ROCK1: variants seen among roughly 807,000 people sequenced by gnomAD.
ROCK1 encodes the protein rho-associated protein kinase 1.
ROCK1 carries 36 observed loss-of-function variants against 196.8 expected under a neutral mutation model. That is an observed-to-expected ratio of 0.18 (90% CI 0.14 to 0.24). ROCK1 has a LOEUF of 0.24. Ranked by LOEUF, ROCK1 falls within the 10% of genes least tolerant of loss-of-function variation. ROCK1 has a pLI of 1.00. For synonymous variants in ROCK1, 443 were observed against 515.9 expected (o/e 0.86, Z 1.91); for missense variants, 920 against 1,562.0 (o/e 0.59, Z 6.93).
intron 1 of ROCK1, among the ~76,000 whole-genome samples, chr18:21,093,849 G>A (rs113209111): frequency 0.052 from 7,934 of 151,892 alleles, 697 homozygotes; most frequent in African/African-American, 0.18. Flanking sequence ...CCAGCTACTC[G>A]GGAGGCTGAG....
chr18:21,006,383 C>A lies in ROCK1; in HGVS notation c.1853G>T (p.Gly618Val). 1.2e-6 allele frequency: 2 copies of A among 1,613,052 alleles called. No individual in the cohort carries two copies. The highest frequency in any genetic ancestry group is 1.7e-6 in the Non-Finnish European group (2 of 1,179,908). The stretch of plus-strand genomic sequence containing the variant: ...GTCTCCAATCATCTCAGAATCATGA[C>A]CTCTGTCTCTTCGTTCAGCTTCTAA... The part of the protein sequence containing the change: ...AILEAERRDR[G>V]HDSEMIGDLQ... Residue 618 changes from glycine to valine, a missense_variant, in exon 16 of 33, where the codon GGT (glycine) becomes GTT (valine). Physicochemically the swap from Gly to Val is moderately radical, Grantham distance 109. Transcript: ENST00000399799.
chr18:21,065,790 C>A (rs2036329460), intron 2 of ROCK1, among the ~76,000 whole-genome samples: 1 of 152,144 alleles, frequency 6.6e-6, no homozygotes, highest in South Asian at 2.1e-4. Context: ...GTATCATACA[C>A]CAGAGCCCAG....
At chr18:21,046,796 T>G (rs185844782) in intron 4 of ROCK1, among the ~76,000 whole-genome samples, 2 of 152,370 alleles carry the variant, frequency 1.3e-5, no homozygotes, top group East Asian at 3.9e-4. Flanking sequence ...TCTTAATGTT[T>G]CATTTTTTTC....
At chr18:20,981,706 A>T (rs1174486580) in intron 21 of ROCK1, among the ~76,000 whole-genome samples, 1 of 152,200 alleles carries the variant, frequency 6.6e-6, no homozygotes, top group Non-Finnish European at 1.5e-5. Flanking sequence ...TACACTAAGA[A>T]ACAGCACTTT....
intron 19 of ROCK1, among the ~76,000 whole-genome samples, chr18:20,986,422 T>C (rs1433127971): frequency 1.3e-5 from 2 of 152,210 alleles, no homozygotes; most frequent in Non-Finnish European, 2.9e-5. Context: ...CTAGGTAACA[T>C]GTTACATCTT....
At chr18:21,015,743 G>T (rs374332162) in intron 12 of ROCK1, among the ~76,000 whole-genome samples, 97 of 151,838 alleles carry the variant, frequency 6.4e-4, no homozygotes, top group African/African-American at 1.9e-3. Context: ...AGGCTGAGGC[G>T]GGTGGATCAT....
chr18:21,042,743 G>T lies in ROCK1; in HGVS notation c.676-34C>A, dbSNP rs759272629. The T allele has an allele frequency of 3.8e-6, 6 of 1,566,642 alleles. No homozygotes were observed. In the South Asian group the frequency reaches 7.2e-5, roughly 19 times the overall value. ...CGCGGCAGGTCAAATTTTGAATTAG[G>T]ATATAAAGTCTCAATTATTTAAAAT... On this transcript the variant is annotated intron_variant, in intron 6 of 32. Transcript: ENST00000399799.
At chr18:20,991,624 CTTTT>C (rs1030511975) in intron 17 of ROCK1, among the ~76,000 whole-genome samples, 1 of 150,988 alleles carries the variant, frequency 6.6e-6, no homozygotes, top group South Asian at 2.1e-4. Flanking sequence ...CTGATACCAT[CTTTT>C]TTTTTCTTTT....
chr18:20,956,175 G>C (rs527629626), intron 29 of ROCK1, among the ~76,000 whole-genome samples: 3 of 152,096 alleles, frequency 2.0e-5, no homozygotes, highest in South Asian at 4.2e-4. Context: ...TGAAGAGAGA[G>C]AGTGAAAGAG....
At chr18:21,080,040 A>C (rs2036470065) in intron 1 of ROCK1, among the ~76,000 whole-genome samples, 1 of 152,172 alleles carries the variant, frequency 6.6e-6, no homozygotes, top group Admixed American at 6.5e-5. Flanking sequence ...AGTGAGAACA[A>C]AAGCGTTCTC....
intron 10 of ROCK1, among the ~76,000 whole-genome samples, chr18:21,027,684 C>T (rs1201922007): frequency 6.7e-6 from 1 of 150,264 alleles, no homozygotes; most frequent in Non-Finnish European, 1.5e-5. Flanking sequence ...GTTATTTGTC[C>T]AAGGTCACAG....
chr18:21,087,058 G>C (rs952386486), intron 1 of ROCK1, among the ~76,000 whole-genome samples: 15 of 152,032 alleles, frequency 9.9e-5, no homozygotes, highest in Non-Finnish European at 1.6e-4. Context: ...ATGACAAAAA[G>C]GAGGAAAAAT....
intron 16 of ROCK1, among the ~76,000 whole-genome samples, chr18:21,005,353 T>C (rs1169433233): frequency 6.6e-6 from 1 of 152,224 alleles, no homozygotes; most frequent in African/African-American, 2.4e-5. Flanking sequence ...TGACTTTCTA[T>C]TACTACCAAC....
chr18:20,966,023 T>TGCTGCTTC (rs2035371111), intron 27 of ROCK1, among the ~76,000 whole-genome samples: 1 of 152,194 alleles, frequency 6.6e-6, no homozygotes, highest in Non-Finnish European at 1.5e-5. Context: ...AGAATCCCAA[T>TGCTGCTTC]ATCAAACATG....
chr18:21,045,068 C>G, intron 5 of ROCK1: 1 of 259,318 alleles, frequency 3.9e-6, no homozygotes, highest in East Asian at 6.6e-5. Flanking sequence ...ACCATGTTGT[C>G]CAGGCTGGTG....
At chr18:21,028,704 A>T in intron 10 of ROCK1, 72 bp downstream of exon 10, 1 of 1,346,560 alleles carries the variant, frequency 7.4e-7, no homozygotes, top group Non-Finnish European at 1.0e-6. Flanking sequence ...AATCTACTTT[A>T]AAAATGATTT....
chr18:21,062,078 G>C (rs2036296532), intron 2 of ROCK1, among the ~76,000 whole-genome samples: 1 of 152,132 alleles, frequency 6.6e-6, no homozygotes, highest in Admixed American at 6.5e-5. Context: ...ATATTTCCTA[G>C]CTATGGCAGC....
intron 2 of ROCK1, among the ~76,000 whole-genome samples, chr18:21,058,383 A>G (rs181388708): frequency 1.1e-3 from 160 of 152,294 alleles, no homozygotes; most frequent in Middle Eastern, 0.01. Flanking sequence ...TAATTTCAAA[A>G]ATGTTCAAAG....
At chr18:20,985,794 A>G (rs1004981506) in intron 19 of ROCK1, among the ~76,000 whole-genome samples, 1 of 152,136 alleles carries the variant, frequency 6.6e-6, no homozygotes, top group African/African-American at 2.4e-5. Flanking sequence ...TTTCTAGTCC[A>G]TTCTATATAC....
Sources: gnomAD v4.1 joint callset for allele counts (sites outside exome capture counted in the v4.1 genomes callset) on GRCh38, gnomAD v4.1.1 for gene constraint, MANE v1.5 for transcripts, NCBI Gene and HGNC (gene_info 2026-07-23, HGNC 2026-07-21) for gene names.